UGDH: variants seen among roughly 807,000 people sequenced by gnomAD.
UGDH encodes the protein UDP-Glc dehydrogenase.
Under a neutral mutation model 50.6 loss-of-function variants are expected in UGDH, and 38 were observed. That is an observed-to-expected ratio of 0.75 (90% CI 0.58 to 0.98). The LOEUF (loss-of-function observed/expected upper bound fraction) is 0.98, where lower values mean the gene tolerates loss of function less well. Among genes scored for constraint, UGDH ranks in the 50% least tolerant of loss-of-function variants. The pLI is 0.00. For missense variants in UGDH, 465 were observed against 606.2 expected, an observed-to-expected ratio of 0.77 and a Z score of 2.45; for synonymous variants, 168 against 199.9, an observed-to-expected ratio of 0.84 and a Z score of 1.35.
chr4:39,513,283 T>G (rs1344319806), intron 3 of UGDH, among the ~76,000 whole-genome samples: 1 of 152,152 alleles, frequency 6.6e-6, no homozygotes, highest in Non-Finnish European at 1.5e-5. Flanking sequence ...TTTTTTTCAT[T>G]ATAAAGGTAG....
rs1405123351 is a variant in UGDH at position 39,510,747 on chromosome 4, T to G, written c.379A>C (p.Thr127Pro). The G allele has an allele frequency of 6.2e-7, 1 of 1,614,238 alleles. No individual in the cohort carries two copies. ...VQNSNGYKIV[T>P]EKSTVPVRAA... Reference sequence around the variant, plus strand: ...CGCACTGGAACTGTGCTTTTCTCAGTCACAATTTTGTACCCATTTGAGTTT... The same window carrying G: ...CGCACTGGAACTGTGCTTTTCTCAGGCACAATTTTGTACCCATTTGAGTTT... Residue 127 changes from threonine to proline, a missense_variant, in exon 4 of 12, where the codon ACT becomes CCT. Thr to Pro is a conservative substitution (Grantham distance 38). Transcript: ENST00000316423.
At chr4:39,501,229 G>C (rs1745797345) in intron 11 of UGDH, among the ~76,000 whole-genome samples, 1 of 151,238 alleles carries the variant, frequency 6.6e-6, no homozygotes, top group South Asian at 2.1e-4. Flanking sequence ...GCCTCCCAAA[G>C]TGCTGGTATT....
intron 11 of UGDH, among the ~76,000 whole-genome samples, chr4:39,503,674 G>A (rs984017275): frequency 1.3e-5 from 2 of 152,150 alleles, no homozygotes; most frequent in Non-Finnish European, 2.9e-5. Context: ...TTTCCTAATT[G>A]TTGAAATAAA....
At chr4:39,501,157 G>A (rs1578260025) in intron 11 of UGDH, among the ~76,000 whole-genome samples, 1 of 150,382 alleles carries the variant, frequency 6.6e-6, no homozygotes, top group Non-Finnish European at 1.5e-5. Context: ...TAGTAGAGAC[G>A]GGGTTTCACT....
At chr4:39,514,880 C>T (rs969875414) in intron 2 of UGDH, among the ~76,000 whole-genome samples, 44 of 152,064 alleles carry the variant, frequency 2.9e-4, no homozygotes, top group Non-Finnish European at 3.7e-4. Flanking sequence ...TGGGGTTTCA[C>T]CATGTTGGCT....
intron 1 of UGDH, among the ~76,000 whole-genome samples, chr4:39,525,949 C>T (rs1746871678): frequency 6.6e-6 from 1 of 152,114 alleles, no homozygotes; most frequent in Admixed American, 6.5e-5. Context: ...CAAACCAAAC[C>T]GTTCCAAAAC....
chr4:39,510,898 G>A (rs759946494), intron 3 of UGDH, 37 bp from the exon 4 acceptor site: 12 of 1,605,640 alleles, frequency 7.5e-6, no homozygotes, highest in Non-Finnish European at 1.0e-5. Flanking sequence ...CAGAGTGCCT[G>A]TGAGATAGGG....
chr4:39,525,938 A>G (rs1342342995), intron 1 of UGDH, among the ~76,000 whole-genome samples: 2 of 152,232 alleles, frequency 1.3e-5, no homozygotes, highest in African/African-American at 4.8e-5. Context: ...GAGAGTCACA[A>G]CAAACCAAAC....
chr4:39,521,543 T>C (rs753538567), intron 1 of UGDH, 24 bp from the exon 2 acceptor site: 2 of 1,489,786 alleles, frequency 1.3e-6, no homozygotes, highest in African/African-American at 1.4e-5. Context: ...AGTAAGACTG[T>C]TCTAGTATTG....
chr4:39,512,047 G>A (rs1002212287), intron 3 of UGDH, among the ~76,000 whole-genome samples: 1 of 151,734 alleles, frequency 6.6e-6, no homozygotes, highest in African/African-American at 2.4e-5. Context: ...AAAAATCATG[G>A]GCCCAGAGTC....
chr4:39,500,653 C>CTTTT (rs11284301), intron 11 of UGDH, among the ~76,000 whole-genome samples: 19 of 135,218 alleles, frequency 1.4e-4, no homozygotes, highest in Non-Finnish European at 1.7e-4. Flanking sequence ...GCATAATTCT[C>CTTTT]TTTTTTTTTT....
chr4:39,511,540 G>A (rs1578271321), intron 3 of UGDH, among the ~76,000 whole-genome samples: 2 of 151,990 alleles, frequency 1.3e-5, no homozygotes, highest in Non-Finnish European at 2.9e-5. Context: ...TGGGATTACA[G>A]GCGTGAGCCA....
chr4:39,524,285 T>C (rs113807908), intron 1 of UGDH, among the ~76,000 whole-genome samples: 2,381 of 152,248 alleles, frequency 0.016, 82 homozygotes, highest in Non-Finnish European at 0.015. Flanking sequence ...AAGGAGTTCA[T>C]AGTTTAATAA....
At chr4:39,510,574 G>C (rs745691982) in intron 4 of UGDH, 24 bp from the exon 5 acceptor site, 1 of 1,613,974 alleles carries the variant, frequency 6.2e-7, no homozygotes, top group East Asian at 2.2e-5. Context: ...GCAAAGGAAA[G>C]TTTTAAGCTA....
At chr4:39,515,131 G>T (rs994838792) in intron 2 of UGDH, among the ~76,000 whole-genome samples, 4 of 152,058 alleles carry the variant, frequency 2.6e-5, no homozygotes, top group African/African-American at 9.7e-5. Flanking sequence ...AAGTTACCAC[G>T]CCCTGCCTCA....
rs999253665 is a variant in UGDH, at chr4:39,506,388, C to T, written c.907-640G>A. Among the ~76,000 whole-genome samples the T allele has an allele frequency of 1.4e-4, 22 of 152,226 alleles. No individual in the cohort carries two copies. The East Asian group carries it at 1.7e-3, about 12-fold the overall frequency. Reference sequence around the variant, plus strand: ...AGCTATGAGACCAACCTAAATAAGGCACATAGGAAACCATACTATCCTTAG... The same window carrying T: ...AGCTATGAGACCAACCTAAATAAGGTACATAGGAAACCATACTATCCTTAG... On this transcript the variant is annotated intron_variant, in intron 7 of 11. Transcript: ENST00000316423.
At chr4:39,506,141 T>C (rs1746015290) in intron 7 of UGDH, among the ~76,000 whole-genome samples, 1 of 148,240 alleles carries the variant, frequency 6.7e-6, no homozygotes, top group African/African-American at 2.5e-5. Context: ...TGAGGTGGGA[T>C]GGCTTGAGCA....
At chr4:39,519,965 T>C (rs1034858390) in intron 2 of UGDH, among the ~76,000 whole-genome samples, 3 of 152,200 alleles carry the variant, frequency 2.0e-5, no homozygotes, top group African/African-American at 7.2e-5. Context: ...GGCAGACCTA[T>C]CTTAGAGATA....
intron 2 of UGDH, among the ~76,000 whole-genome samples, chr4:39,516,672 G>A (rs1041410539): frequency 2.6e-5 from 4 of 152,150 alleles, no homozygotes; most frequent in African/African-American, 9.7e-5. Context: ...CTTAACATAA[G>A]TAATTGGAGG....
Sources: gnomAD v4.1 joint callset for allele counts (sites outside exome capture counted in the v4.1 genomes callset) on GRCh38, gnomAD v4.1.1 for gene constraint, MANE v1.5 for transcripts, NCBI Gene and HGNC (gene_info 2026-07-23, HGNC 2026-07-21) for gene names.